Variants in ZNF622 observed in about 807,000 individuals in gnomAD.
ZNF622 encodes the protein zinc finger protein 622, also known as cytoplasmic 60S subunit biogenesis factor ZNF622.
In ZNF622, 34 loss-of-function variants were observed where a neutral mutation model predicts 49.7. The observed-to-expected ratio is 0.68, with a 90% CI of 0.52 to 0.91. The LOEUF is 0.91. Among genes scored for constraint, ZNF622 ranks in the 40% least tolerant of loss-of-function variants. The probability of loss-of-function intolerance (pLI) is 0.00; values close to 1 mark genes in which losing one functional copy is unlikely to be tolerated. For missense variants in ZNF622, 569 were observed against 616.4 expected (o/e 0.92, Z 0.81); for synonymous variants, 209 against 228.7 (o/e 0.91, Z 0.78).
At chr5:16,457,875 G>C (rs967892106) in intron 4 of ZNF622, among the ~76,000 whole-genome samples, 2 of 152,194 alleles carry the variant, frequency 1.3e-5, no homozygotes, top group Non-Finnish European at 2.9e-5. Context: ...CTGCCTGAAT[G>C]TGCTAACTGC....
At chr5:16,454,891 C>T (rs1738000641) in intron 4 of ZNF622, among the ~76,000 whole-genome samples, 1 of 152,176 alleles carries the variant, frequency 6.6e-6, no homozygotes, top group Non-Finnish European at 1.5e-5. Context: ...AGGGAGATGA[C>T]CTGAAGGGGG....
Position 16,465,380 on chromosome 5 carries a change from T to C in ZNF622, c.286A>G (p.Lys96Glu). The C allele has an allele frequency of 6.2e-7, 1 of 1,614,240 alleles. No homozygotes were observed. Among genetic ancestry groups the C allele is most frequent in the Non-Finnish European group, 8.5e-7 (1 of 1,180,040 alleles). Residue 96 changes from lysine to glutamate, a missense_variant, in exon 1 of 6, where the codon AAG (lysine) becomes GAG (glutamate). Transcript: ENST00000308683. The surrounding 1 kb of genome is among the most constrained non-coding windows in gnomAD (Gnocchi z 6.2). ...CGATTCACTGCCTGCACGGCCTTCT[T>C]CTCCAGCTCAACGTGACGCCGGGAC... Reference protein sequence around the residue: ...LKSRRHVELEKKAVQAVNRKV... With the variant: ...LKSRRHVELEEKAVQAVNRKV...
intron 4 of ZNF622, among the ~76,000 whole-genome samples, chr5:16,454,158 A>G (rs1241828670): frequency 6.6e-6 from 1 of 152,160 alleles, no homozygotes; most frequent in Non-Finnish European, 1.5e-5. Context: ...AGAGTGAGAA[A>G]AAAGAAAATA....
chr5:16,465,138 T>C lies in ZNF622; in HGVS notation c.528A>G (p.Lys176=), dbSNP rs994407584. 1.2e-6 allele frequency: 2 copies of C among 1,614,124 alleles called. No individual in the cohort carries two copies. The highest frequency in any genetic ancestry group is 1.7e-6 in the Non-Finnish European group (2 of 1,179,996). Reference sequence around the variant, plus strand: ...GTTCAAACCACTGGAGCCGGGGTGGTTTCTCACTCGGGTCTCGGTCGTGGG... The same window carrying C: ...GTTCAAACCACTGGAGCCGGGGTGGCTTCTCACTCGGGTCTCGGTCGTGGG... The part of the protein sequence containing the change: ...RGTHDRDPSE[K]PPRLQWFEQQ... Residue 176 remains lysine (K), a synonymous_variant, in exon 1 of 6, where the codon AAA becomes AAG. Transcript: ENST00000308683. The surrounding 1 kb of genome is among the most constrained non-coding windows in gnomAD (Gnocchi z 6.2).
chr5:16,464,198 A>G (rs935929304), intron 1 of ZNF622, among the ~76,000 whole-genome samples: 1 of 152,166 alleles, frequency 6.6e-6, no homozygotes, highest in African/African-American at 2.4e-5. Flanking sequence ...AAACTTAATC[A>G]TCAATGAAAT....
At chr5:16,462,782 C>A (rs1017206831) in intron 3 of ZNF622, among the ~76,000 whole-genome samples, 1 of 152,162 alleles carries the variant, frequency 6.6e-6, no homozygotes, top group East Asian at 1.9e-4. Context: ...CAAGGACTCT[C>A]CAGGAACCCA....
rs1737935918 is a variant in ZNF622 at position 16,451,707 on chromosome 5, T to G, written c.1384A>C (p.Lys462Gln). The change falls in exon 6 of 6, where the codon AAG becomes CAG. Residue 462 changes from lysine (K) to glutamine (Q), a missense_variant. Lys to Gln is a moderately conservative substitution (Grantham distance 53, BLOSUM62 1). Coordinates refer to ENST00000308683, the MANE Select transcript of ZNF622 (RefSeq NM_033414.3). Reference protein sequence around the residue: ...KSKWMLKTGMKNNATKQMHFR... With the variant: ...KSKWMLKTGMQNNATKQMHFR... ...TGCATCTGCTTGGTGGCATTGTTCT[T>G]CATTCCTGTCTTCAGCATCCATTTT... 6.2e-7 allele frequency: 1 copy of G among 1,614,060 alleles called. No individual in the cohort carries two copies. Among genetic ancestry groups the G allele is most frequent in the Non-Finnish European group, 8.5e-7 (1 of 1,180,036 alleles).
chr5:16,463,526 T>A lies in ZNF622; in HGVS notation c.842A>T (p.Asp281Val). Reference sequence around the variant, plus strand: ...CTTAATATCTGAAAGATATTCTATATCAGGAATAAAGAAACTGTGGTCTTT... The same window carrying A: ...CTTAATATCTGAAAGATATTCTATAACAGGAATAAAGAAACTGTGGTCTTT... ...MTKDHSFFIP[D>V]IEYLSDIKGL... Residue 281 changes from aspartate (D) to valine (V), a missense_variant, in exon 2 of 6, where the codon GAT becomes GTT. Transcript: ENST00000308683. The surrounding 1 kb of genome is among the most constrained non-coding windows in gnomAD (Gnocchi z 4.2). 1.2e-6 allele frequency: 2 copies of A among 1,614,030 alleles called. No individual in the cohort carries two copies. The highest frequency in any genetic ancestry group is 1.7e-6 in the Non-Finnish European group (2 of 1,179,870).
chr5:16,463,007 A>G lies in ZNF622; in HGVS notation c.1049+101T>C. On this transcript the variant is annotated intron_variant, in intron 3 of 5. Coordinates refer to ENST00000308683, the MANE Select transcript of ZNF622 (RefSeq NM_033414.3). The surrounding 1 kb of genome is among the most constrained non-coding windows in gnomAD (Gnocchi z 4.2). ...AGAGGTGTTATAAGTGTTATTAAGG[A>G]TATGTTGTACAGTGCCAAACATATC... 1 of 1,222,856 alleles carries G rather than the reference A, an allele frequency of 8.2e-7. No individual in the cohort carries two copies. The highest frequency in any genetic ancestry group is 1.1e-6 in the Non-Finnish European group (1 of 884,334). 75.8% of individuals were successfully genotyped at this position (1,222,856 alleles called of 1,614,324 possible).
Position 16,465,412 on chromosome 5 carries a change from T to C in ZNF622, c.254A>G (p.His85Arg). 6.2e-7 allele frequency: 1 copy of C among 1,614,232 alleles called. No individual in the cohort carries two copies. Among genetic ancestry groups the C allele is most frequent in the Non-Finnish European group, 8.5e-7 (1 of 1,180,038 alleles). The change falls in exon 1 of 6, where the codon CAC (histidine) becomes CGC (arginine). Residue 85 changes from histidine to arginine, a missense_variant. His to Arg is a conservative substitution (Grantham distance 29). Transcript: ENST00000308683. This position sits in a 1 kb window ranked among gnomAD's most constrained non-coding sequence, Gnocchi z 6.2. ...CTCAACGTGACGCCGGGACTTGAGG[T>C]GGTTCTCGTAGGCGTTGAAAGAGGC... ...KFASFNAYENHLKSRRHVELE... is the reference protein window; with the variant it reads ...KFASFNAYENRLKSRRHVELE...
Position 16,465,617 on chromosome 5 carries a change from C to T in ZNF622, c.49G>A (p.Asp17Asn). The T allele has an allele frequency of 1.9e-6, 3 of 1,599,972 alleles. No individual in the cohort carries two copies. Among genetic ancestry groups the T allele is most frequent in the South Asian group, 2.2e-5 (2 of 89,772 alleles). ...ITCRVAFRDA[D>N]MQRAHYKTDW... is the part of the protein sequence containing the mutation. ...GTCTTATAGTGGGCCCGCTGCATGT[C>T]CGCGTCGCGGAACGCCACCCGGCAA... Residue 17 changes from aspartate (D) to asparagine (N), a missense_variant, in exon 1 of 6, where the codon GAC (aspartate) becomes AAC (asparagine). Coordinates refer to ENST00000308683, the MANE Select transcript of ZNF622 (RefSeq NM_033414.3). The surrounding 1 kb of genome is among the most constrained non-coding windows in gnomAD (Gnocchi z 6.2).
At chr5:16,451,956 G>A (rs1238639188) in intron 5 of ZNF622, among the ~76,000 whole-genome samples, 172 bp from the exon 6 acceptor site, 2 of 152,032 alleles carry the variant, frequency 1.3e-5, no homozygotes, top group Admixed American at 1.3e-4. Context: ...GGGTCTCTGT[G>A]GACTCCAGAA....
chr5:16,458,633 T>C lies in ZNF622; in HGVS notation c.1050-4A>G, dbSNP rs758520955. On this transcript the variant is annotated splice_region_variant and splice_polypyrimidine_tract_variant and intron_variant, in intron 3 of 5. Transcript: ENST00000308683. ...CTTGTGATCTGGATAGCTACTCCTA[T>C]AACAGAGAAATTGCACTAATAAATA... is the stretch of plus-strand genomic sequence containing the variant. 6.3e-7 allele frequency: 1 copy of C among 1,587,254 alleles called. No homozygotes were observed. Among genetic ancestry groups the C allele is most frequent in the Non-Finnish European group, 8.6e-7 (1 of 1,162,108 alleles).
intron 4 of ZNF622, among the ~76,000 whole-genome samples, chr5:16,456,260 A>G (rs533103592): frequency 6.6e-6 from 1 of 152,224 alleles, no homozygotes; most frequent in East Asian, 1.9e-4. Flanking sequence ...ACACCAGGCT[A>G]ATGTCCACTC....
intron 5 of ZNF622, 76 bp downstream of exon 5, chr5:16,452,937 T>C: frequency 7.6e-7 from 1 of 1,320,380 alleles, no homozygotes; most frequent in South Asian, 2.8e-5. Flanking sequence ...ACAACATAAA[T>C]GGAAACAACT....
chr5:16,455,364 T>C (rs2126490652), intron 4 of ZNF622, among the ~76,000 whole-genome samples: 1 of 152,360 alleles, frequency 6.6e-6, no homozygotes, highest in African/African-American at 2.4e-5. Flanking sequence ...CCTGCCAAAA[T>C]AACTGGAAAA....
chr5:16,456,662 G>A (rs1472736605), intron 4 of ZNF622, among the ~76,000 whole-genome samples: 3 of 152,180 alleles, frequency 2.0e-5, no homozygotes, highest in Non-Finnish European at 4.4e-5. Flanking sequence ...AGAACTGTAT[G>A]TGGGTGGGGT....
intron 4 of ZNF622, among the ~76,000 whole-genome samples, chr5:16,457,562 G>T (rs1738046113): frequency 6.6e-6 from 1 of 152,156 alleles, no homozygotes; most frequent in South Asian, 2.1e-4. Context: ...ACACTCTAAA[G>T]CTGCTCTTGG....
intron 4 of ZNF622, among the ~76,000 whole-genome samples, chr5:16,455,138 G>A (rs1347429523): frequency 6.6e-6 from 1 of 152,196 alleles, no homozygotes; most frequent in Non-Finnish European, 1.5e-5. Flanking sequence ...CATTTCCACT[G>A]AAAATGAATA....
Sources: gnomAD v4.1 joint callset for allele counts (sites outside exome capture counted in the v4.1 genomes callset) on GRCh38, gnomAD v4.1.1 for gene constraint, Gnocchi (gnomAD v3.1) non-coding constraint, MANE v1.5 for transcripts, NCBI Gene and HGNC (gene_info 2026-07-23, HGNC 2026-07-21) for gene names.